The following PRP4K variants were observed in gnomAD, a reference collection of about 807,000 sequenced individuals.
PRP4K encodes the protein serine/threonine-protein kinase PRP4 homolog.
the PRP4K span, among the ~76,000 whole-genome samples, chr6:4,057,479 A>G: frequency 1.3e-5 from 2 of 152,254 alleles, no homozygotes; most frequent in African/African-American, 4.8e-5. Context: ...CAGAATGGAA[A>G]AAGATGTAAG....
the PRP4K span, chr6:4,041,017 A>G: frequency 7.7e-7 from 1 of 1,293,458 alleles, no homozygotes; most frequent in Non-Finnish European, 1.1e-6. Context: ...CCACCTAAAT[A>G]TTATAAGTGG....
chr6:4,051,409 C>T, the PRP4K span, among the ~76,000 whole-genome samples: 1 of 151,138 alleles, frequency 6.6e-6, no homozygotes, highest in African/African-American at 2.4e-5. Flanking sequence ...CTCCGTCTCC[C>T]GGGTTCAAGC....
chr6:4,036,720 T>C, the PRP4K span, among the ~76,000 whole-genome samples: 1 of 152,010 alleles, frequency 6.6e-6, no homozygotes, highest in East Asian at 1.9e-4. Flanking sequence ...CCGGGCATGG[T>C]GGGTCACACC....
chr6:4,044,867 T>A, the PRP4K span, among the ~76,000 whole-genome samples: 388 of 149,002 alleles, frequency 2.6e-3, 2 homozygotes, highest in African/African-American at 9.1e-3. Context: ...ATTATTATTT[T>A]TTTTTTTTTT....
the PRP4K span, chr6:4,062,819 A>G: frequency 1.3e-5 from 2 of 152,618 alleles, no homozygotes; most frequent in Non-Finnish European, 2.9e-5. This position sits in a 1 kb window ranked among gnomAD's most constrained non-coding sequence, Gnocchi z 4.2. Context: ...AGGTGCAGCT[A>G]TTCTACCTTA....
chr6:4,044,647 G>A, the PRP4K span, among the ~76,000 whole-genome samples: 1 of 151,894 alleles, frequency 6.6e-6, no homozygotes, highest in South Asian at 2.1e-4. Flanking sequence ...TTTTTCAGTT[G>A]ATTTCTCTTG....
the PRP4K span, among the ~76,000 whole-genome samples, chr6:4,048,798 GT>G: frequency 1.4e-5 from 2 of 147,466 alleles, no homozygotes; most frequent in Non-Finnish European, 3.0e-5. Context: ...GCTGGGAGGG[GT>G]TTTTGTTTTT....
the PRP4K span, chr6:4,043,780 A>ATCTTC: frequency 6.3e-7 from 1 of 1,594,014 alleles, no homozygotes; most frequent in South Asian, 1.1e-5. Flanking sequence ...ATCCAATTTT[A>ATCTTC]TGAAAGTATT....
At chr6:4,026,579 A>G in the PRP4K span, among the ~76,000 whole-genome samples, 1 of 152,192 alleles carries the variant, frequency 6.6e-6, no homozygotes, top group Non-Finnish European at 1.5e-5. Flanking sequence ...CTGGGTTTAC[A>G]GGTGTGAGCC....
chr6:4,027,613 T>TGGGGGGGGGGG, the PRP4K span, among the ~76,000 whole-genome samples: 1 of 38,554 alleles, frequency 2.6e-5, no homozygotes, highest in Non-Finnish European at 4.9e-5. Flanking sequence ...GGGGGTGGGG[T>TGGGGGGGGGGG]GGGGGTTGGT....
chr6:4,036,708 G>A, the PRP4K span, among the ~76,000 whole-genome samples: 6 of 151,948 alleles, frequency 3.9e-5, no homozygotes, highest in African/African-American at 1.5e-4. Context: ...GAAGATTTTT[G>A]CCCGGGCATG....
chr6:4,035,122 G>T, the PRP4K span, among the ~76,000 whole-genome samples: 1 of 148,014 alleles, frequency 6.8e-6, no homozygotes, highest in African/African-American at 2.5e-5. Flanking sequence ...GTTTTGTTTT[G>T]TTTTGTTTTT....
At chr6:4,050,821 G>T in the PRP4K span, among the ~76,000 whole-genome samples, 3 of 152,186 alleles carry the variant, frequency 2.0e-5, no homozygotes, top group Non-Finnish European at 4.4e-5. Flanking sequence ...TTGACAAATT[G>T]TAACAAGAAT....
chr6:4,033,081 C>T, the PRP4K span, among the ~76,000 whole-genome samples: 4 of 151,950 alleles, frequency 2.6e-5, no homozygotes, highest in African/African-American at 4.8e-5. Flanking sequence ...TCATTGGGGG[C>T]GTTTAGAGAG....
the PRP4K span, among the ~76,000 whole-genome samples, chr6:4,038,110 G>T: frequency 6.6e-6 from 1 of 151,882 alleles, no homozygotes; most frequent in Non-Finnish European, 1.5e-5. Flanking sequence ...AAACATAAAT[G>T]GGTATTTGTT....
chr6:4,046,919 A>G, the PRP4K span, among the ~76,000 whole-genome samples: 1 of 152,200 alleles, frequency 6.6e-6, no homozygotes, highest in Non-Finnish European at 1.5e-5. Flanking sequence ...CAGCCTCCCA[A>G]AGTGCTGGGA....
At chr6:4,026,129 G>C in the PRP4K span, among the ~76,000 whole-genome samples, 14 of 152,024 alleles carry the variant, frequency 9.2e-5, no homozygotes, top group Non-Finnish European at 4.4e-5. Context: ...AGCCTCCCGA[G>C]TAGCTGGGAT....
the PRP4K span, among the ~76,000 whole-genome samples, chr6:4,042,975 G>T: frequency 6.6e-6 from 1 of 152,176 alleles, no homozygotes. Context: ...ATGTGAATAT[G>T]GTGGTTTAAA....
chr6:4,062,100 A>G, the PRP4K span: 1 of 152,646 alleles, frequency 6.6e-6, no homozygotes, highest in Admixed American at 6.5e-5. The surrounding 1 kb of genome is among the most constrained non-coding windows in gnomAD (Gnocchi z 4.2). Flanking sequence ...AATCCTACAA[A>G]TATTGTCAGC....
Sources: allele counts gnomAD v4.1 joint callset (sites outside exome capture counted in the v4.1 genomes callset), GRCh38; gene constraint gnomAD v4.1.1; non-coding constraint Gnocchi (gnomAD v3.1); transcripts MANE v1.5; gene names NCBI Gene and HGNC (gene_info 2026-07-23, HGNC 2026-07-21).